Variants in CDK14 observed in about 807,000 individuals in gnomAD.
The protein encoded by CDK14 is cyclin dependent kinase 14.
In CDK14, 34 loss-of-function variants were observed where a neutral mutation model predicts 60.7. The ratio of observed to expected loss-of-function variants is 0.56; its 90% confidence interval spans 0.43 to 0.75. CDK14 has a LOEUF of 0.75. Ranked by LOEUF, CDK14 falls within the 30% of genes least tolerant of loss-of-function variation. CDK14 has a pLI of 0.00. For synonymous variants in CDK14, 197 were observed against 203.7 expected (o/e 0.97, Z 0.28); for missense variants, 482 against 564.1 (o/e 0.85, Z 1.47).
chr7:90,766,925 T>A (rs1006780568), intron 4 of CDK14, among the ~76,000 whole-genome samples: 2 of 151,998 alleles, frequency 1.3e-5, no homozygotes, highest in African/African-American at 4.8e-5. Context: ...CACGGCCAGC[T>A]CTCCCTTGCC....
intron 8 of CDK14, among the ~76,000 whole-genome samples, chr7:90,938,473 G>A (rs919515713): frequency 6.6e-6 from 1 of 152,054 alleles, no homozygotes; most frequent in Non-Finnish European, 1.5e-5. Context: ...AAACTTTTGG[G>A]GGGTTAAAAC....
chr7:90,941,311 T>C (rs1375051900), intron 8 of CDK14, among the ~76,000 whole-genome samples: 1 of 152,144 alleles, frequency 6.6e-6, no homozygotes, highest in East Asian at 1.9e-4. Flanking sequence ...ACCTGTGACA[T>C]GCCAGGCCCA....
intron 2 of CDK14, among the ~76,000 whole-genome samples, chr7:90,639,712 G>T (rs1187927360): frequency 6.7e-6 from 1 of 148,370 alleles, no homozygotes; most frequent in Non-Finnish European, 1.5e-5. Flanking sequence ...TCTGTGCCCT[G>T]CCCCCAGAGG....
intron 11 of CDK14, among the ~76,000 whole-genome samples, chr7:91,066,605 A>G (rs1269659390): frequency 6.6e-6 from 1 of 152,176 alleles, no homozygotes; most frequent in Non-Finnish European, 1.5e-5. Flanking sequence ...GTAAAATCCA[A>G]TTTGGGTTTT....
chr7:90,882,232 A>T (rs1791781671), intron 6 of CDK14, among the ~76,000 whole-genome samples: 1 of 138,050 alleles, frequency 7.2e-6, no homozygotes, highest in Non-Finnish European at 1.5e-5. Flanking sequence ...AAATAAAGGG[A>T]TGGAGGAAAT....
chr7:90,991,985 G>A (rs1795552540), intron 10 of CDK14, among the ~76,000 whole-genome samples: 1 of 152,166 alleles, frequency 6.6e-6, no homozygotes, highest in Admixed American at 6.5e-5. Flanking sequence ...AAAAGAAAAA[G>A]TCTATGTGGA....
chr7:90,899,432 T>C (rs1792432614), intron 7 of CDK14, 79 bp downstream of exon 7: 1 of 1,067,852 alleles, frequency 9.4e-7, no homozygotes, highest in Non-Finnish European at 1.3e-6. Context: ...ATCTCTACCA[T>C]AACATATTTA....
At chr7:90,793,106 A>G (rs1805901369) in intron 5 of CDK14, among the ~76,000 whole-genome samples, 1 of 144,584 alleles carries the variant, frequency 6.9e-6, no homozygotes, top group Non-Finnish European at 1.6e-5. Flanking sequence ...CTCTGTATAT[A>G]ATCTTAGTGA....
At chr7:90,932,457 C>T (rs978220438) in intron 8 of CDK14, among the ~76,000 whole-genome samples, 2 of 152,164 alleles carry the variant, frequency 1.3e-5, no homozygotes, top group African/African-American at 4.8e-5. Context: ...ATATGTGCAT[C>T]TCTCCCATCT....
chr7:91,106,116 G>A (rs1207145806), intron 12 of CDK14, among the ~76,000 whole-genome samples: 2 of 152,250 alleles, frequency 1.3e-5, no homozygotes, highest in East Asian at 3.9e-4. Context: ...TAATGGCTGG[G>A]ATTTTTTCTT....
At chr7:91,164,358 G>A (rs1196485160) in intron 14 of CDK14, among the ~76,000 whole-genome samples, 1 of 152,138 alleles carries the variant, frequency 6.6e-6, no homozygotes, top group Non-Finnish European at 1.5e-5. Context: ...TCCTGTACGT[G>A]TTACTCATTA....
chr7:90,705,713 G>A (rs1222727239), intron 2 of CDK14, among the ~76,000 whole-genome samples: 4 of 150,528 alleles, frequency 2.7e-5, no homozygotes. Flanking sequence ...GGAGAGTGTG[G>A]TGATATTAGA....
At chr7:91,018,414 A>C (rs1796354265) in intron 10 of CDK14, among the ~76,000 whole-genome samples, 1 of 152,222 alleles carries the variant, frequency 6.6e-6, no homozygotes, top group South Asian at 2.1e-4. Flanking sequence ...AGGCCCTGGC[A>C]TATTTGGTAT....
intron 13 of CDK14, among the ~76,000 whole-genome samples, chr7:91,115,570 T>C (rs969578657): frequency 6.6e-6 from 1 of 152,166 alleles, no homozygotes; most frequent in Non-Finnish European, 1.5e-5. Flanking sequence ...AGATGGCTCA[T>C]AGCACTTTCT....
intron 4 of CDK14, among the ~76,000 whole-genome samples, chr7:90,748,926 G>GA (rs1803700997): frequency 6.6e-6 from 1 of 152,100 alleles, no homozygotes; most frequent in African/African-American, 2.4e-5. Context: ...TAAATAAGAA[G>GA]ATGTAGAAGA....
At chr7:90,679,934 GCT>G (rs1350839652) in intron 2 of CDK14, among the ~76,000 whole-genome samples, 1 of 152,108 alleles carries the variant, frequency 6.6e-6, no homozygotes, top group Non-Finnish European at 1.5e-5. Context: ...ATGTGTTGTG[GCT>G]CTCGGAGACT....
At chr7:90,668,750 C>T (rs34465369) in intron 2 of CDK14, among the ~76,000 whole-genome samples, 37,682 of 133,764 alleles carry the variant, frequency 0.28, 5,660 homozygotes, top group Non-Finnish European at 0.34. Context: ...GTTCTGTTGC[C>T]CAGACTGGAG....
chr7:91,025,412 G>T (rs1796542851), intron 10 of CDK14, among the ~76,000 whole-genome samples: 1 of 152,096 alleles, frequency 6.6e-6, no homozygotes, highest in South Asian at 2.1e-4. Context: ...TCAAGCAGGA[G>T]GTAGTTTAAG....
chr7:90,815,143 T>C (rs570695968), intron 5 of CDK14, among the ~76,000 whole-genome samples: 1 of 152,346 alleles, frequency 6.6e-6, no homozygotes, highest in South Asian at 2.1e-4. Context: ...TTATAAACTA[T>C]TGCCAACTTA....
Sources: gnomAD v4.1 joint callset for allele counts (sites outside exome capture counted in the v4.1 genomes callset) on GRCh38, gnomAD v4.1.1 for gene constraint, MANE v1.5 for transcripts, NCBI Gene and HGNC (gene_info 2026-07-23, HGNC 2026-07-21) for gene names.